The following DOCK4 variants were observed in gnomAD, a reference collection of about 807,000 sequenced individuals.
DOCK4 encodes dedicator of cytokinesis 4, also known as dedicator of cytokinesis protein 4.
Under a neutral mutation model 268.1 loss-of-function variants are expected in DOCK4, and 97 were observed. That is an observed-to-expected ratio of 0.36 (90% CI 0.31 to 0.43). The LOEUF is 0.43. Among genes scored for constraint, DOCK4 ranks in the 20% least tolerant of loss-of-function variants. The pLI is 1.00. For synonymous variants in DOCK4, 954 were observed against 887.2 expected (o/e 1.08, Z -1.34); for missense variants, 2,145 against 2,455.7 (o/e 0.87, Z 2.67).
intron 44 of DOCK4, among the ~76,000 whole-genome samples, chr7:111,744,726 T>C (rs1796152009): frequency 6.6e-6 from 1 of 152,224 alleles, no homozygotes. Flanking sequence ...AAGTAATGGA[T>C]GACCTCAACT....
At chr7:111,805,094 G>A (rs1251168998) in intron 30 of DOCK4, among the ~76,000 whole-genome samples, 1 of 152,142 alleles carries the variant, frequency 6.6e-6, no homozygotes, top group Non-Finnish European at 1.5e-5. Flanking sequence ...AAGAAGAGAA[G>A]CCCTGCCTTG....
At chr7:111,962,420 T>C (rs2134994104) in intron 8 of DOCK4, among the ~76,000 whole-genome samples, 1 of 152,316 alleles carries the variant, frequency 6.6e-6, no homozygotes, top group South Asian at 2.1e-4. Context: ...TTATCTCTAC[T>C]TATCAGACAA....
At chr7:111,757,124 G>A (rs1412240045) in intron 41 of DOCK4, among the ~76,000 whole-genome samples, 1 of 152,110 alleles carries the variant, frequency 6.6e-6, no homozygotes, top group Non-Finnish European at 1.5e-5. Context: ...CGCGGAGGCT[G>A]AGAGGGAGGA....
At position 111,994,103 on chromosome 7, in the gene DOCK4, C is replaced by T. The variant is rs750639275; in HGVS notation, c.315+32G>A. The T allele has an allele frequency of 5.6e-6, 8 of 1,422,756 alleles. No homozygotes were observed. The African/African-American group carries it at 5.7e-5, about 10-fold the overall frequency. 88.1% of individuals were successfully genotyped at this position (1,422,756 alleles called of 1,614,324 possible). On this transcript the variant is annotated intron_variant, in intron 5 of 52. Transcript: ENST00000428084. Reference sequence around the variant, plus strand: ...GTATTTCTTAAAACAATTCTTTACCCGAAAAATCGTGTCATTAAAAAGCTA... The same window carrying T: ...GTATTTCTTAAAACAATTCTTTACCTGAAAAATCGTGTCATTAAAAAGCTA...
At chr7:112,159,255 C>A (rs532727537) in intron 1 of DOCK4, among the ~76,000 whole-genome samples, 18 of 152,226 alleles carry the variant, frequency 1.2e-4, no homozygotes, top group Admixed American at 7.9e-4. Context: ...CCTTCCCAAT[C>A]TTTCTCACAT....
chr7:111,805,258 C>T (rs1800589187), intron 30 of DOCK4, among the ~76,000 whole-genome samples: 1 of 152,152 alleles, frequency 6.6e-6, no homozygotes, highest in South Asian at 2.1e-4. Context: ...GTGCTCATGG[C>T]CCTGCTTGCA....
At chr7:111,868,811 A>G (rs1806191229) in intron 21 of DOCK4, among the ~76,000 whole-genome samples, 2 of 152,184 alleles carry the variant, frequency 1.3e-5, no homozygotes, top group South Asian at 2.1e-4. Flanking sequence ...CAACAAAAAG[A>G]TAACTGTTTT....
At chr7:112,166,489 T>A (rs544838359) in intron 1 of DOCK4, among the ~76,000 whole-genome samples, 1 of 152,334 alleles carries the variant, frequency 6.6e-6, no homozygotes, top group East Asian at 1.9e-4. Context: ...GTAATCACTT[T>A]GGAAGACTTA....
chr7:111,796,460 G>C (rs28637655), intron 30 of DOCK4, among the ~76,000 whole-genome samples: 28,886 of 152,222 alleles, frequency 0.19, 7,467 homozygotes, highest in African/African-American at 0.59. Context: ...CTTCTGTGAT[G>C]AGGAAAGTTC....
chr7:111,867,091 G>A (rs972047032), intron 22 of DOCK4, among the ~76,000 whole-genome samples: 1 of 152,178 alleles, frequency 6.6e-6, no homozygotes, highest in African/African-American at 2.4e-5. Flanking sequence ...CTATAAAGAA[G>A]AGAGGAACAA....
intron 40 of DOCK4, among the ~76,000 whole-genome samples, chr7:111,759,371 T>C (rs1797236917): frequency 1.3e-5 from 2 of 152,210 alleles, no homozygotes; most frequent in Non-Finnish European, 2.9e-5. Context: ...AGTTATAGTT[T>C]ATATTTTTAA....
At chr7:112,206,006 C>G in intron 1 of DOCK4, 96 bp downstream of exon 1, 2 of 1,408,532 alleles carry the variant, frequency 1.4e-6, no homozygotes, top group Non-Finnish European at 2.0e-6. Flanking sequence ...TAGGCATTTT[C>G]AACCGGGCGG....
At position 111,842,960 on chromosome 7, in the gene DOCK4, T is replaced by G. The variant is rs565956860; in HGVS notation, c.2736+1803A>C. On this transcript the variant is annotated intron_variant, in intron 25 of 52. Coordinates refer to ENST00000428084, the MANE Select transcript of DOCK4 (RefSeq NM_001363540.2). ...AAAGCCAGCTAAAACAGAAGGTTTA[T>G]GTAAGATCCAGAGCTTTATAATATA... Among the ~76,000 whole-genome samples the G allele has an allele frequency of 2.0e-5, 3 of 152,354 alleles. No individual in the cohort carries two copies. In the East Asian group the frequency reaches 5.8e-4, roughly 29 times the overall value.
chr7:111,743,168 T>G (rs1418310016), intron 44 of DOCK4, among the ~76,000 whole-genome samples: 2 of 152,236 alleles, frequency 1.3e-5, no homozygotes, highest in African/African-American at 4.8e-5. Flanking sequence ...TGTGATTCCT[T>G]TGATTCGAGC....
intron 27 of DOCK4, among the ~76,000 whole-genome samples, chr7:111,819,166 A>G (rs1801788436): frequency 6.6e-6 from 1 of 152,206 alleles, no homozygotes; most frequent in Non-Finnish European, 1.5e-5. Flanking sequence ...AAGACCTGAA[A>G]TTTCAACTGA....
intron 1 of DOCK4, among the ~76,000 whole-genome samples, chr7:112,134,434 T>C (rs1814116872): frequency 6.6e-6 from 1 of 152,176 alleles, no homozygotes; most frequent in African/African-American, 2.4e-5. Flanking sequence ...AGTGTAAACT[T>C]AATGGCTGGG....
chr7:112,194,437 T>A (rs887888748), intron 1 of DOCK4, among the ~76,000 whole-genome samples: 2 of 152,158 alleles, frequency 1.3e-5, no homozygotes, highest in African/African-American at 4.8e-5. Flanking sequence ...TGAAAACACA[T>A]CTTCACTGTG....
chr7:111,888,996 A>C (rs73715288), intron 16 of DOCK4, among the ~76,000 whole-genome samples: 3,974 of 152,190 alleles, frequency 0.026, 159 homozygotes, highest in African/African-American at 0.09. Flanking sequence ...GTCAGGTCTC[A>C]CTTAAGGCAG....
chr7:111,840,911 T>A, intron 25 of DOCK4: 2 of 1,183,474 alleles, frequency 1.7e-6, no homozygotes, highest in Non-Finnish European at 2.3e-6. Flanking sequence ...ATCTTCAGTC[T>A]CCAGAGAATG....
Sources: allele counts gnomAD v4.1 joint callset (sites outside exome capture counted in the v4.1 genomes callset), GRCh38; gene constraint gnomAD v4.1.1; transcripts MANE v1.5; gene names NCBI Gene and HGNC (gene_info 2026-07-23, HGNC 2026-07-21).